Variants in UTRN observed in about 807,000 individuals in gnomAD.
The protein encoded by UTRN is utrophin, also known as dystrophin-related protein 1.
Under a neutral mutation model 463.9 loss-of-function variants are expected in UTRN, and 283 were observed. The ratio of observed to expected loss-of-function variants is 0.61; its 90% confidence interval spans 0.55 to 0.67. The LOEUF is 0.67. Ranked by LOEUF, UTRN falls within the 30% of genes least tolerant of loss-of-function variation. The pLI is 0.00. For synonymous variants in UTRN, 1,442 were observed against 1,431.5 expected (o/e 1.01, Z -0.17); for missense variants, 3,922 against 4,084.3 (o/e 0.96, Z 1.08).
intron 51 of UTRN, among the ~76,000 whole-genome samples, chr6:144,591,095 G>A (rs1302955767): frequency 3.3e-5 from 5 of 152,046 alleles, no homozygotes; most frequent in African/African-American, 1.2e-4. Context: ...ATGTCTCTTG[G>A]TTGTGGTGAT....
At chr6:144,631,237 GGTGTGTGTGTGTGT>G (rs67332744) in intron 51 of UTRN, among the ~76,000 whole-genome samples, 16 of 147,534 alleles carry the variant, frequency 1.1e-4, no homozygotes, top group South Asian at 4.3e-4. Context: ...GAGAGAGAGA[GGTGTGTGTGTGTGT>G]GTGTGTGTGT....
At chr6:144,620,362 C>T (rs9390179) in intron 51 of UTRN, among the ~76,000 whole-genome samples, 24,628 of 152,008 alleles carry the variant, frequency 0.16, 2,173 homozygotes, top group South Asian at 0.27. Context: ...GCCCTTTTAG[C>T]TTCTGCTCCT....
intron 51 of UTRN, chr6:144,660,186 G>A (rs1303370712): frequency 2.1e-6 from 1 of 470,824 alleles, no homozygotes; most frequent in Admixed American, 2.4e-5. Flanking sequence ...TCTGAAGGAA[G>A]TTTGCCGGAA....
At chr6:144,686,134 C>T (rs1423395191) in intron 52 of UTRN, among the ~76,000 whole-genome samples, 1 of 152,092 alleles carries the variant, frequency 6.6e-6, no homozygotes, top group East Asian at 1.9e-4. Context: ...GTGTTCCCAG[C>T]ATCATTTATT....
chr6:144,786,291 T>TTTTGTTTTTG (rs751874790), intron 61 of UTRN, among the ~76,000 whole-genome samples: 3 of 152,052 alleles, frequency 2.0e-5, no homozygotes, highest in Non-Finnish European at 4.4e-5. Flanking sequence ...ATTTGTTTGT[T>TTTTGTTTTTG]TTTGTTTTTG....
Position 144,840,850 on chromosome 6 carries a change from C to T in UTRN, c.10270+18C>T, listed in dbSNP as rs1781511152. ...TTGCTGCCGTGAGTATGAAAGATTG[C>T]AGCACCACAGCTGCACGTGTTCCTT... is the stretch of plus-strand genomic sequence containing the variant. On this transcript the variant is annotated intron_variant, in intron 73 of 74. Transcript: ENST00000367545. 5.0e-6 allele frequency: 8 copies of T among 1,613,106 alleles called. No individual in the cohort carries two copies. The highest frequency in any genetic ancestry group is 1.7e-5 in the Admixed American group (1 of 60,006).
chr6:144,718,463 T>TA (rs1455295405), intron 53 of UTRN, among the ~76,000 whole-genome samples: 8 of 152,118 alleles, frequency 5.3e-5, no homozygotes, highest in Admixed American at 2.6e-4. Flanking sequence ...CCCTGTCTCT[T>TA]AAAAAAAGTA....
At chr6:144,837,927 G>A (rs1237484535) in intron 71 of UTRN, among the ~76,000 whole-genome samples, 1 of 152,188 alleles carries the variant, frequency 6.6e-6, no homozygotes, top group Admixed American at 6.5e-5. Context: ...TGGGTTTCTT[G>A]AAGCCCTTCG....
chr6:144,633,483 T>C (rs1055618438), intron 51 of UTRN, among the ~76,000 whole-genome samples: 3 of 152,170 alleles, frequency 2.0e-5, no homozygotes, highest in African/African-American at 7.2e-5. Flanking sequence ...CCGCCCGCCT[T>C]GGCCTCCCAA....
At chr6:144,793,455 A>C (rs908785670) in intron 62 of UTRN, among the ~76,000 whole-genome samples, 2 of 152,142 alleles carry the variant, frequency 1.3e-5, no homozygotes, top group Non-Finnish European at 2.9e-5. Flanking sequence ...GTTTTGGCTC[A>C]TTCTTTCTCA....
At position 144,444,387 on chromosome 6, in the gene UTRN, GAAA is replaced by G. The variant is rs778967309; in HGVS notation, c.1614+6_1614+8del. The G allele has an allele frequency of 6.3e-7, 1 of 1,598,974 alleles. No individual in the cohort carries two copies. Among genetic ancestry groups the G allele is most frequent in the South Asian group, 1.1e-5 (1 of 88,714 alleles). ...CAGGAATTATTGGAAGAACAGGTAT[GAAA>G]CTGTTTTCCATAAGGGGCAAAATAA... is the stretch of plus-strand genomic sequence containing the variant. On this transcript the variant is annotated splice_donor_region_variant and intron_variant, in intron 14 of 74. Coordinates refer to ENST00000367545, the MANE Select transcript of UTRN (RefSeq NM_007124.3).
At chr6:144,515,272 T>G (rs1397882732) in intron 37 of UTRN, among the ~76,000 whole-genome samples, 2 of 152,256 alleles carry the variant, frequency 1.3e-5, no homozygotes, top group East Asian at 3.8e-4. Context: ...CGTATTTATT[T>G]GTGATTGTGC....
intron 2 of UTRN, among the ~76,000 whole-genome samples, chr6:144,305,807 G>T (rs1024020449): frequency 5.3e-5 from 8 of 152,234 alleles, no homozygotes. Flanking sequence ...AGGTAACTTG[G>T]CCAAGGGCAG....
chr6:144,426,283 A>G lies in UTRN; in HGVS notation c.406-4A>G, dbSNP rs1785286469. 10 of 1,611,484 alleles carry G rather than the reference A, an allele frequency of 6.2e-6. No homozygotes were observed. Among genetic ancestry groups the G allele is most frequent in the Middle Eastern group, 1.7e-4 (1 of 6,048 alleles). Reference sequence around the variant, plus strand: ...TATGGACAGGCCTGGTTTCTCTTACATAGGTGAAAGATGTCATGAAGGATG... The same window carrying G: ...TATGGACAGGCCTGGTTTCTCTTACGTAGGTGAAAGATGTCATGAAGGATG... On this transcript the variant is annotated splice_region_variant and splice_polypyrimidine_tract_variant and intron_variant, in intron 6 of 74. Transcript: ENST00000367545.
chr6:144,727,244 T>G (rs1025001263), intron 53 of UTRN, among the ~76,000 whole-genome samples: 1 of 152,242 alleles, frequency 6.6e-6, no homozygotes, highest in Non-Finnish European at 1.5e-5. Context: ...TTTTTAATCT[T>G]TCCACATTAT....
At chr6:144,730,556 G>C in intron 54 of UTRN, 70 bp downstream of exon 54, 1 of 1,436,408 alleles carries the variant, frequency 7.0e-7, no homozygotes, top group Admixed American at 2.6e-5. Context: ...AATCAAGTAG[G>C]AAATTTCCTT....
intron 51 of UTRN, chr6:144,583,370 A>C: frequency 1.9e-6 from 1 of 538,442 alleles, no homozygotes; most frequent in Non-Finnish European, 3.4e-6. Flanking sequence ...TATCTTTCAA[A>C]TGCTTTCCTG....
chr6:144,641,775 A>T (rs1412094173), intron 51 of UTRN, among the ~76,000 whole-genome samples: 1 of 151,942 alleles, frequency 6.6e-6, no homozygotes, highest in Non-Finnish European at 1.5e-5. Context: ...AATTGAGTAG[A>T]ACTCGTTATT....
At chr6:144,760,446 A>G (rs1280751465) in intron 58 of UTRN, among the ~76,000 whole-genome samples, 1 of 152,170 alleles carries the variant, frequency 6.6e-6, no homozygotes, top group Non-Finnish European at 1.5e-5. Context: ...TTAGTGTTAA[A>G]TGTCTTTTAA....
Sources: allele counts gnomAD v4.1 joint callset (sites outside exome capture counted in the v4.1 genomes callset), GRCh38; gene constraint gnomAD v4.1.1; transcripts MANE v1.5; gene names NCBI Gene and HGNC (gene_info 2026-07-23, HGNC 2026-07-21).